Variants in PCDHGA11 observed in about 807,000 individuals in gnomAD.
PCDHGA11 encodes protocadherin gamma-A11.
In PCDHGA11, 39 loss-of-function variants were observed where a neutral mutation model predicts 60.4. The observed-to-expected ratio is 0.65, with a 90% confidence interval of 0.50 to 0.84. PCDHGA11 has a LOEUF of 0.84. Among genes scored for constraint, PCDHGA11 ranks in the 40% least tolerant of loss-of-function variants. The probability of loss-of-function intolerance (pLI) is 0.00; values close to 1 mark genes in which losing one functional copy is unlikely to be tolerated. For missense variants in PCDHGA11, 1,165 were observed against 1,197.7 expected (o/e 0.97, Z 0.40); for synonymous variants, 533 against 510.3 (o/e 1.04, Z -0.60).
intron 2 of PCDHGA11, 141 bp downstream of exon 2, chr5:141,495,006 G>A (rs1030195663): frequency 1.3e-6 from 2 of 1,521,564 alleles, no homozygotes; most frequent in Non-Finnish European, 1.8e-6. Flanking sequence ...CTTGGTGTGC[G>A]GGGGGCTGGC....
intron 1 of PCDHGA11, among the ~76,000 whole-genome samples, chr5:141,482,800 G>C (rs10052648): frequency 0.023 from 2,992 of 130,874 alleles, 96 homozygotes; most frequent in African/African-American, 0.087. Context: ...GGCCGGGTAC[G>C]GTGGCTCATG....
In PCDHGA11 at chr5:141,489,576, C is replaced by T; in HGVS notation, c.2434-5231C>T. 1.9e-6 allele frequency: 3 copies of T among 1,614,054 alleles called. No individual in the cohort carries two copies. Among genetic ancestry groups the T allele is most frequent in the Non-Finnish European group, 2.5e-6 (3 of 1,179,976 alleles). Reference sequence around the variant, plus strand: ...TGCCAGTGCAGGTGGTGACTGAACACCCCCTGGAGCTAATCCGTGTAGAGG... The same window carrying T: ...TGCCAGTGCAGGTGGTGACTGAACATCCCCTGGAGCTAATCCGTGTAGAGG... On this transcript the variant is annotated intron_variant, in intron 1 of 3. Coordinates refer to ENST00000398587, the MANE Select transcript of PCDHGA11 (RefSeq NM_018914.3). This position sits in a 1 kb window ranked among gnomAD's most constrained non-coding sequence, Gnocchi z 4.5.
chr5:141,508,479 T>G (rs1361434920), intron 3 of PCDHGA11, among the ~76,000 whole-genome samples: 1 of 152,152 alleles, frequency 6.6e-6, no homozygotes, highest in Non-Finnish European at 1.5e-5. Flanking sequence ...TCTTTTACAT[T>G]CTGGATTTCC....
At chr5:141,428,105 G>T in intron 1 of PCDHGA11, 4 of 1,608,184 alleles carry the variant, frequency 2.5e-6, no homozygotes, top group Non-Finnish European at 2.5e-6. Context: ...ACCACGTGCT[G>T]CAGGCCATCG....
chr5:141,489,428 G>A lies in PCDHGA11; in HGVS notation c.2434-5379G>A, dbSNP rs561792279. The A allele has an allele frequency of 2.5e-5, 40 of 1,614,112 alleles. No homozygotes were observed. In the Middle Eastern group the frequency reaches 4.9e-4, roughly 20 times the overall value. ...AAGATGACAGATCTGTTGAGCCGGC[G>A]GCTGCAATTGGGCTCTGAGGAGAAT... On this transcript the variant is annotated intron_variant, in intron 1 of 3. Transcript: ENST00000398587. This position sits in a 1 kb window ranked among gnomAD's most constrained non-coding sequence, Gnocchi z 4.5.
In PCDHGA11 at chr5:141,423,598, C is replaced by A; in HGVS notation, c.2371C>A (p.Pro791Thr). The change falls in exon 1 of 4, where the codon CCA becomes ACA. Residue 791 changes from proline to threonine, a missense_variant. Coordinates refer to ENST00000398587, the MANE Select transcript of PCDHGA11 (RefSeq NM_018914.3). ...CCAGGAGAGCTGTGAGAAAAGCGAG[C>A]CACTCTTGATAGCTGAAGACTCAGC... ...ISQESCEKSE[P>T]LLIAEDSAII... The A allele has an allele frequency of 6.2e-7, 1 of 1,612,940 alleles. No homozygotes were observed. Among genetic ancestry groups the A allele is most frequent in the East Asian group, 2.2e-5 (1 of 44,878 alleles).
At position 141,423,299 on chromosome 5, in the gene PCDHGA11, C is replaced by T. The variant is rs1225422770; in HGVS notation, c.2072C>T (p.Ser691Leu). ...SLANSETSDL[S>L]LYLVVAVAAV... is the part of the protein sequence containing the mutation. ...GCTAACTCTGAAACCTCAGACCTCT[C>T]GCTGTACTTGGTGGTGGCGGTGGCC... Residue 691 changes from serine to leucine, a missense_variant, in exon 1 of 4, where the codon TCG becomes TTG. By Grantham distance (145) the Ser-to-Leu change is moderately radical. Transcript: ENST00000398587. 1.2e-6 allele frequency: 2 copies of T among 1,614,128 alleles called. No homozygotes were observed. Among genetic ancestry groups the T allele is most frequent in the Non-Finnish European group, 1.7e-6 (2 of 1,180,004 alleles).
chr5:141,458,394 T>A (rs2098944697), intron 1 of PCDHGA11, among the ~76,000 whole-genome samples: 1 of 152,062 alleles, frequency 6.6e-6, no homozygotes, highest in African/African-American at 2.4e-5. Context: ...ACGCTCCCCC[T>A]TGCAGAGACG....
intron 1 of PCDHGA11, among the ~76,000 whole-genome samples, chr5:141,446,747 G>T (rs997132200): frequency 3.9e-5 from 6 of 152,190 alleles, no homozygotes; most frequent in Non-Finnish European, 8.8e-5. Context: ...GATTACAGGC[G>T]TGAGCCACCG....
chr5:141,501,478 T>A (rs536337246), intron 2 of PCDHGA11, among the ~76,000 whole-genome samples: 5 of 151,890 alleles, frequency 3.3e-5, no homozygotes, highest in Non-Finnish European at 7.4e-5. Flanking sequence ...CCTGGAAGAG[T>A]CCCTCATATC....
rs2099427641 is a variant in PCDHGA11, at chr5:141,477,974, G to T, written c.2434-16833G>T. The T allele has an allele frequency of 1.2e-6, 2 of 1,614,034 alleles. No homozygotes were observed. The highest frequency in any genetic ancestry group is 1.6e-4 in the Middle Eastern group (1 of 6,062). On this transcript the variant is annotated intron_variant, in intron 1 of 3. Transcript: ENST00000398587. This position sits in a 1 kb window ranked among gnomAD's most constrained non-coding sequence, Gnocchi z 4.9. ...GGGATCCCCTAACCAGAGCCTTTTT[G>T]CCATAGGGCTGCACACTGGTCAAAT...
intron 2 of PCDHGA11, among the ~76,000 whole-genome samples, chr5:141,500,901 G>A (rs984072329): frequency 7.6e-5 from 11 of 144,582 alleles, no homozygotes; most frequent in African/African-American, 2.6e-4. Flanking sequence ...AGACAGTCTC[G>A]CTCTGTCTCC....
At chr5:141,434,553 G>T (rs1203568173) in intron 1 of PCDHGA11, among the ~76,000 whole-genome samples, 1 of 152,202 alleles carries the variant, frequency 6.6e-6, no homozygotes, top group Admixed American at 6.5e-5. Flanking sequence ...AGTGATCTGT[G>T]CCTTAAGGAC....
chr5:141,423,809 G>C, intron 1 of PCDHGA11, 149 bp downstream of exon 1: 1 of 1,260,030 alleles, frequency 7.9e-7, no homozygotes, highest in Non-Finnish European at 1.0e-6. Context: ...ATACATGTGA[G>C]TTTTACTTTG....
At chr5:141,460,488 T>C (rs1226287742) in intron 1 of PCDHGA11, among the ~76,000 whole-genome samples, 1 of 152,186 alleles carries the variant, frequency 6.6e-6, no homozygotes, top group Admixed American at 6.6e-5. Flanking sequence ...ATTGTCTCTT[T>C]GGAAAAATAT....
chr5:141,433,262 T>A, intron 1 of PCDHGA11: 1 of 1,339,436 alleles, frequency 7.5e-7, no homozygotes, highest in Non-Finnish European at 1.0e-6. Flanking sequence ...GGTACGATCA[T>A]AGCTCACTGC....
intron 1 of PCDHGA11, among the ~76,000 whole-genome samples, chr5:141,462,783 T>A (rs1313584666): frequency 6.6e-6 from 1 of 152,236 alleles, no homozygotes; most frequent in Non-Finnish European, 1.5e-5. Flanking sequence ...CATAATTTGT[T>A]GCTTATTTGC....
intron 2 of PCDHGA11, among the ~76,000 whole-genome samples, chr5:141,496,406 G>C (rs1485949584): frequency 6.6e-6 from 1 of 152,160 alleles, no homozygotes; most frequent in African/African-American, 2.4e-5. Flanking sequence ...CTCAATGGTT[G>C]AGTACTTGCT....
chr5:141,461,902 C>A (rs1477274695), intron 1 of PCDHGA11, among the ~76,000 whole-genome samples: 1 of 152,116 alleles, frequency 6.6e-6, no homozygotes, highest in African/African-American at 2.4e-5. Flanking sequence ...CGGCTCACTG[C>A]AACCTCTGCC....
Sources: gnomAD v4.1 joint callset for allele counts (sites outside exome capture counted in the v4.1 genomes callset) on GRCh38, gnomAD v4.1.1 for gene constraint, Gnocchi (gnomAD v3.1) non-coding constraint, MANE v1.5 for transcripts, NCBI Gene and HGNC (gene_info 2026-07-23, HGNC 2026-07-21) for gene names.